GRM7: variants seen among roughly 807,000 people sequenced by gnomAD.
GRM7 encodes metabotropic glutamate receptor 7.
Under a neutral mutation model 84.5 loss-of-function variants are expected in GRM7, and 35 were observed. The ratio of observed to expected loss-of-function variants is 0.41; its 90% CI spans 0.32 to 0.55. The LOEUF (loss-of-function observed/expected upper bound fraction) is 0.55. Among genes scored for constraint, GRM7 ranks in the 20% least tolerant of loss-of-function variants. The probability of loss-of-function intolerance (pLI) is 0.19; values close to 1 mark genes in which losing one functional copy is unlikely to be tolerated. For synonymous variants in GRM7, 487 were observed against 455.1 expected, an observed-to-expected ratio of 1.07 and a Z score of -0.89; for missense variants, 1,003 against 1,194.6, an observed-to-expected ratio of 0.84 and a Z score of 2.36.
At chr3:7,420,421 C>T (rs1168757614) in intron 5 of GRM7, among the ~76,000 whole-genome samples, 1 of 152,114 alleles carries the variant, frequency 6.6e-6, no homozygotes, top group African/African-American at 2.4e-5. Flanking sequence ...TAGTGTCTAA[C>T]TCTTTGGTAC....
intron 8 of GRM7, among the ~76,000 whole-genome samples, chr3:7,664,086 C>T (rs1032040380): frequency 1.3e-5 from 2 of 152,098 alleles, no homozygotes; most frequent in African/African-American, 4.8e-5. Flanking sequence ...CTATAATTAC[C>T]CTGCCAAACT....
At chr3:7,592,455 C>G (rs1009701091) in intron 8 of GRM7, among the ~76,000 whole-genome samples, 4 of 152,124 alleles carry the variant, frequency 2.6e-5, no homozygotes, top group Non-Finnish European at 5.9e-5. Context: ...CATGTCAAGG[C>G]TATTTGGGAA....
At chr3:6,976,794 C>T (rs960350639) in intron 1 of GRM7, among the ~76,000 whole-genome samples, 1 of 152,076 alleles carries the variant, frequency 6.6e-6, no homozygotes, top group South Asian at 2.1e-4. Flanking sequence ...TCTGCACTGC[C>T]AAATACTTAA....
intron 1 of GRM7, among the ~76,000 whole-genome samples, chr3:7,017,475 C>G (rs553549278): frequency 2.0e-5 from 3 of 152,126 alleles, no homozygotes; most frequent in African/African-American, 4.8e-5. Context: ...CAGTATTGAA[C>G]GGAATAATGC....
intron 8 of GRM7, among the ~76,000 whole-genome samples, chr3:7,626,766 T>A (rs888839146): frequency 1.3e-5 from 2 of 152,130 alleles, no homozygotes; most frequent in African/African-American, 4.8e-5. Flanking sequence ...TATTTATAAA[T>A]AAGGTCACAT....
intron 1 of GRM7, among the ~76,000 whole-genome samples, chr3:7,019,177 T>G (rs1320919512): frequency 2.0e-5 from 3 of 152,222 alleles, no homozygotes; most frequent in Non-Finnish European, 4.4e-5. Context: ...GTCACAATTT[T>G]TTTGAAGACT....
chr3:7,723,237 C>T (rs1396186948), intron 9 of GRM7, among the ~76,000 whole-genome samples: 2 of 152,144 alleles, frequency 1.3e-5, no homozygotes, highest in African/African-American at 4.8e-5. Flanking sequence ...AATTCTCTGA[C>T]ATCACTTAAT....
chr3:6,933,221 T>C (rs1298997521), intron 1 of GRM7, among the ~76,000 whole-genome samples: 1 of 152,200 alleles, frequency 6.6e-6, no homozygotes. Flanking sequence ...TTTACAATTA[T>C]ATTATAGCAC....
intron 1 of GRM7, among the ~76,000 whole-genome samples, chr3:6,977,325 T>C (rs1256737248): frequency 2.0e-5 from 3 of 152,070 alleles, no homozygotes; most frequent in African/African-American, 4.8e-5. Flanking sequence ...TATTCCCTTA[T>C]CTATAATGGC....
intron 1 of GRM7, among the ~76,000 whole-genome samples, chr3:6,994,628 G>T (rs1694769382): frequency 6.6e-6 from 1 of 152,228 alleles, no homozygotes; most frequent in East Asian, 1.9e-4. Flanking sequence ...TCTGGACATG[G>T]TGATTCCTTA....
At chr3:7,564,512 C>G (rs1305749968) in intron 7 of GRM7, among the ~76,000 whole-genome samples, 1 of 152,080 alleles carries the variant, frequency 6.6e-6, no homozygotes, top group East Asian at 1.9e-4. Context: ...TTTACATCTG[C>G]AGGGTCTGAA....
At chr3:7,569,085 C>T (rs574529354) in intron 7 of GRM7, among the ~76,000 whole-genome samples, 1 of 152,186 alleles carries the variant, frequency 6.6e-6, no homozygotes, top group East Asian at 1.9e-4. Flanking sequence ...CTTGGAGAAC[C>T]TTTATGTCTA....
Position 6,862,830 on chromosome 3 carries a change from A to G in GRM7, c.519+923A>G. The stretch of plus-strand genomic sequence containing the variant: ...GGCATGAAGGCGCCCGTTGGGAGGC[A>G]GAGGGGTGCGTGAAGCGGGGCCCCG... On this transcript the variant is annotated intron_variant, in intron 1 of 9. Coordinates refer to ENST00000357716, the MANE Select transcript of GRM7 (RefSeq NM_000844.4). The surrounding 1 kb of genome is among the most constrained non-coding windows in gnomAD (Gnocchi z 5.2). 3.1e-6 allele frequency: 1 copy of G among 318,600 alleles called. No individual in the cohort carries two copies. The highest frequency in any genetic ancestry group is 2.3e-5 in the South Asian group (1 of 44,058). The allele number at this position is 318,600 out of a possible 1,614,324, so 19.7% of individuals were successfully genotyped here. A position where few individuals can be genotyped will look rare whatever the true frequency, so the allele number is the denominator to read the frequency against.
At chr3:7,680,415 G>A in intron 9 of GRM7, 120 bp downstream of exon 9, 1 of 1,031,536 alleles carries the variant, frequency 9.7e-7, no homozygotes. Flanking sequence ...GGGCTGGGTT[G>A]CCTTGGTGAA....
chr3:7,394,509 A>G (rs565291307), intron 4 of GRM7, among the ~76,000 whole-genome samples: 2 of 152,324 alleles, frequency 1.3e-5, no homozygotes, highest in East Asian at 1.9e-4. Context: ...TGTTTATTAC[A>G]TATTTTACTT....
At chr3:7,353,555 G>A (rs1209243685) in intron 4 of GRM7, among the ~76,000 whole-genome samples, 4 of 152,072 alleles carry the variant, frequency 2.6e-5, no homozygotes, top group African/African-American at 9.7e-5. Flanking sequence ...GGATTCACGG[G>A]CTTAAGAAGA....
chr3:7,059,929 C>A (rs934260528), intron 1 of GRM7, among the ~76,000 whole-genome samples: 2 of 151,776 alleles, frequency 1.3e-5, no homozygotes, highest in Non-Finnish European at 2.9e-5. Flanking sequence ...ATAAGCTACC[C>A]AGTTTATGTA....
At chr3:7,475,646 A>G (rs1428000592) in intron 7 of GRM7, among the ~76,000 whole-genome samples, 4 of 152,194 alleles carry the variant, frequency 2.6e-5, no homozygotes, top group Non-Finnish European at 4.4e-5. Flanking sequence ...GTGATTGTCT[A>G]TAACGAGAGG....
At chr3:7,710,238 T>C (rs1051545148) in intron 9 of GRM7, among the ~76,000 whole-genome samples, 1 of 152,152 alleles carries the variant, frequency 6.6e-6, no homozygotes, top group African/African-American at 2.4e-5. Flanking sequence ...ATATCTGTAA[T>C]CAGACTCATT....
Sources: allele counts gnomAD v4.1 joint callset (sites outside exome capture counted in the v4.1 genomes callset), GRCh38; gene constraint gnomAD v4.1.1; non-coding constraint Gnocchi (gnomAD v3.1); transcripts MANE v1.5; gene names NCBI Gene and HGNC (gene_info 2026-07-23, HGNC 2026-07-21).